The following NBL1 variants were observed in gnomAD, a reference collection of about 807,000 sequenced individuals.
NBL1 encodes NBL1, DAN family BMP antagonist.
A neutral mutation model predicts 16.0 loss-of-function variants in NBL1; 9 were observed. The ratio of observed to expected loss-of-function variants is 0.56; its 90% CI spans 0.34 to 0.98. The LOEUF (loss-of-function observed/expected upper bound fraction) is 0.98, where lower values mean the gene tolerates loss of function less well. Among genes scored for constraint, NBL1 ranks in the 50% least tolerant of loss-of-function variants. NBL1 has a pLI of 0.02. For synonymous variants in NBL1, 86 were observed against 100.7 expected (o/e 0.85, Z 0.87); for missense variants, 196 against 243.1 (o/e 0.81, Z 1.29).
intron 1 of NBL1, chr1:19,645,511 G>A: frequency 1.0e-6 from 1 of 1,000,662 alleles, no homozygotes; most frequent in Non-Finnish European, 1.2e-6. Context: ...TGTAACTAGG[G>A]GCACCCCAGG....
chr1:19,654,631 G>A (rs551306555), intron 1 of NBL1, among the ~76,000 whole-genome samples: 392 of 152,032 alleles, frequency 2.6e-3, no homozygotes, highest in Admixed American at 6.9e-3. Context: ...TGAACACTTC[G>A]TAATCGCAAT....
upstream of NBL1, chr1:19,644,127 G>T (rs1283046307): frequency 1.0e-6 from 1 of 976,908 alleles, no homozygotes; most frequent in Non-Finnish European, 1.2e-6. This position sits in a 1 kb window ranked among gnomAD's most constrained non-coding sequence, Gnocchi z 4.6. Context: ...GGCGGGCCAG[G>T]AGAGGGCCCG....
At chr1:19,654,863 GA>G (rs1159642337) in intron 1 of NBL1, 148 bp from the exon 2 acceptor site, 1 of 1,029,486 alleles carries the variant, frequency 9.7e-7, no homozygotes, top group African/African-American at 1.6e-5. Flanking sequence ...TCAGAGGGGA[GA>G]AATAACTTGT....
In NBL1 at chr1:19,644,932, T is replaced by TC. The variant is rs1384849029; in HGVS notation, c.-20+490dup. Among the ~76,000 whole-genome samples the TC allele has an allele frequency of 2.0e-5, 3 of 152,178 alleles. No individual in the cohort carries two copies. Among genetic ancestry groups the TC allele is most frequent in the Non-Finnish European group, 4.4e-5 (3 of 67,980 alleles). ...GTCGCTCCGTTTCCGCCGCTCACTT[T>TC]CCCCTGGTCTGCCCGTCTCTTTCCG... is the stretch of plus-strand genomic sequence containing the variant. On this transcript the variant is annotated intron_variant, in intron 1 of 3. Transcript: ENST00000375136. The surrounding 1 kb of genome is among the most constrained non-coding windows in gnomAD (Gnocchi z 4.6).
At chr1:19,645,491 G>T (rs914040118) in intron 1 of NBL1, 1 of 994,630 alleles carries the variant, frequency 1.0e-6, no homozygotes, top group African/African-American at 1.7e-5. Flanking sequence ...CAAGCTGGAC[G>T]CCACCAGCCT....
rs1243671713 is a variant in NBL1 at position 19,644,870 on chromosome 1, T to C, written c.-20+424T>C. The stretch of plus-strand genomic sequence containing the variant: ...GACGTTTCCGCCTCCCGCGGCCCCC[T>C]CTGCTTCGGTCCCCACGTCCGTGTG... On this transcript the variant is annotated intron_variant, in intron 1 of 3. Transcript: ENST00000375136. The surrounding 1 kb of genome is among the most constrained non-coding windows in gnomAD (Gnocchi z 4.6). Among the ~76,000 whole-genome samples, 1 of 151,890 alleles carries C rather than the reference T, an allele frequency of 6.6e-6. No individual in the cohort carries two copies. Among genetic ancestry groups the C allele is most frequent in the East Asian group, 1.9e-4 (1 of 5,140 alleles).
Position 19,657,073 on chromosome 1 carries a change from G to C in NBL1, c.490G>C (p.Glu164Gln), listed in dbSNP as rs1356893677. 6.6e-7 allele frequency: 1 copy of C among 1,525,512 alleles called. No homozygotes were observed. Among genetic ancestry groups the C allele is most frequent in the Admixed American group, 2.0e-5 (1 of 49,268 alleles). The allele number at this position is 1,525,512 out of a possible 1,614,324, so 94.5% of individuals were successfully genotyped here. The change falls in exon 4 of 4, where the codon GAG (glutamate) becomes CAG (glutamine). Residue 164 changes from glutamate to glutamine, a missense_variant. Physicochemically the swap from Glu to Gln is conservative, Grantham distance 29 (BLOSUM62 2). Coordinates refer to ENST00000375136, the MANE Select transcript of NBL1 (RefSeq NM_005380.8). ...CCCCCATCCTGGCGGGCAGACCCCT[G>C]AGCCCGAGGACCCCCCTGGGGCCCC... ...PHPHPGGQTP[E>Q]PEDPPGAPHT...
In NBL1 at chr1:19,657,268, G is replaced by A. The variant is rs78288976; in HGVS notation, c.*139G>A. The A allele has an allele frequency of 3.4e-3, 1,871 of 553,042 alleles. 28 individuals carry two copies. The highest frequency in any genetic ancestry group is 0.032 in the African/African-American group (1,688 of 53,398). 34.3% of individuals were successfully genotyped at this position (553,042 alleles called of 1,614,324 possible). A position where few individuals can be genotyped will look rare whatever the true frequency, so the allele number is the denominator to read the frequency against. ...TCAGACTCGGACTTGAATGCTGCCC[G>A]GTTGCCATGGAGATCTGAAGGGGCG... On this transcript the variant is annotated 3_prime_UTR_variant, in exon 4 of 4. Coordinates refer to ENST00000375136, the MANE Select transcript of NBL1 (RefSeq NM_005380.8).
chr1:19,646,098 G>A (rs2094978411), intron 1 of NBL1: 2 of 1,529,052 alleles, frequency 1.3e-6, no homozygotes, highest in South Asian at 2.4e-5. Context: ...GAAGATGCAG[G>A]CAGGCCTGGG....
intron 1 of NBL1, among the ~76,000 whole-genome samples, chr1:19,647,334 G>A (rs1196269394): frequency 3.3e-5 from 5 of 152,204 alleles, no homozygotes; most frequent in African/African-American, 1.2e-4. Context: ...GCTGAGGTGG[G>A]AGGATCACTT....
intron 1 of NBL1, among the ~76,000 whole-genome samples, chr1:19,650,799 G>T (rs772605577): frequency 4.2e-4 from 63 of 151,490 alleles, no homozygotes; most frequent in Middle Eastern, 6.3e-3. Context: ...CAACAAAAAA[G>T]CATAAACCAA....
intron 1 of NBL1, among the ~76,000 whole-genome samples, chr1:19,650,618 C>T (rs1308176696): frequency 6.6e-6 from 1 of 152,210 alleles, no homozygotes; most frequent in Non-Finnish European, 1.5e-5. Context: ...TCCAACTTTC[C>T]TTCCCGCCCT....
At chr1:19,653,153 G>C (rs1338566172) in intron 1 of NBL1, among the ~76,000 whole-genome samples, 2 of 151,606 alleles carry the variant, frequency 1.3e-5, no homozygotes, top group Admixed American at 6.6e-5. Context: ...GGGGCATGGT[G>C]GTGGGCGCCT....
intron 1 of NBL1, chr1:19,645,808 G>T (rs773658829): frequency 4.1e-6 from 6 of 1,453,238 alleles, no homozygotes; most frequent in Non-Finnish European, 4.5e-6. Flanking sequence ...TTCTGCATCG[G>T]CCAGGGATAT....
upstream of NBL1, chr1:19,643,631 T>A (rs1031345933): frequency 1.5e-6 from 2 of 1,340,416 alleles, no homozygotes; most frequent in Admixed American, 6.5e-5. This position sits in a 1 kb window ranked among gnomAD's most constrained non-coding sequence, Gnocchi z 4.7. Flanking sequence ...GAGAAGTGAG[T>A]TCATTTGCTG....
At position 19,658,182 on chromosome 1, in the gene NBL1, C is replaced by T. The variant is rs908276286; in HGVS notation, c.*1053C>T. 5.9e-5 allele frequency: 9 copies of T among 152,778 alleles called. No individual in the cohort carries two copies. The highest frequency in any genetic ancestry group is 2.1e-4 in the South Asian group (1 of 4,838). 9.5% of individuals were successfully genotyped at this position (152,778 alleles called of 1,614,324 possible). A position where few individuals can be genotyped will look rare whatever the true frequency, so the allele number is the denominator to read the frequency against. On this transcript the variant is annotated 3_prime_UTR_variant, in exon 4 of 4. Coordinates refer to ENST00000375136, the MANE Select transcript of NBL1 (RefSeq NM_005380.8). ...GCTCTCTCTAGCTCCCCAATTCTGC[C>T]TGCCTCCTCCCTCCCAGCTGCACTT...
chr1:19,646,129 G>A (rs2094978699), intron 1 of NBL1: 1 of 1,396,642 alleles, frequency 7.2e-7, no homozygotes, highest in African/African-American at 1.4e-5. Flanking sequence ...TCGGCCCTGT[G>A]TGTCCGCCCT....
Position 19,645,846 on chromosome 1 carries a change from A to C in NBL1, c.-20+1400A>C. On this transcript the variant is annotated intron_variant, in intron 1 of 3. Coordinates refer to ENST00000375136, the MANE Select transcript of NBL1 (RefSeq NM_005380.8). ...CCTCATTATTTTAAAGTGAAATTTC[A>C]GGCTGAGTTTAGCTGCTTCCCCCCA... 6 of 1,500,354 alleles carry C rather than the reference A, an allele frequency of 4.0e-6. No individual in the cohort carries two copies. In the South Asian group the frequency reaches 5.2e-5, roughly 13 times the overall value. The allele number at this position is 1,500,354 out of a possible 1,614,324, so 92.9% of individuals were successfully genotyped here. A position where few individuals can be genotyped will look rare whatever the true frequency, so the allele number is the denominator to read the frequency against.
At chr1:19,654,617 T>A (rs2095045688) in intron 1 of NBL1, among the ~76,000 whole-genome samples, 1 of 152,108 alleles carries the variant, frequency 6.6e-6, no homozygotes, top group Admixed American at 6.6e-5. Context: ...ACTTGACATG[T>A]GCTTGAACAC....
Sources: allele counts gnomAD v4.1 joint callset (sites outside exome capture counted in the v4.1 genomes callset), GRCh38; gene constraint gnomAD v4.1.1; non-coding constraint Gnocchi (gnomAD v3.1); transcripts MANE v1.5; gene names NCBI Gene and HGNC (gene_info 2026-07-23, HGNC 2026-07-21).